NAALADL2: variants seen among roughly 807,000 people sequenced by gnomAD.
The protein encoded by NAALADL2 is inactive N-acetylated-alpha-linked acidic dipeptidase-like protein 2.
In NAALADL2, 76 loss-of-function variants were observed where a neutral mutation model predicts 87.2. The ratio of observed to expected loss-of-function variants is 0.87; its 90% CI spans 0.72 to 1.05. NAALADL2 has a LOEUF of 1.05. NAALADL2 is among the 50% of genes least tolerant of loss of function. NAALADL2 has a pLI of 0.00. For missense variants in NAALADL2, 1,089 were observed against 945.8 expected, an observed-to-expected ratio of 1.15 and a Z score of -1.99; for synonymous variants, 354 against 331.0, an observed-to-expected ratio of 1.07 and a Z score of -0.75.
chr3:175,630,378 C>G (rs1190133593), intron 11 of NAALADL2, among the ~76,000 whole-genome samples: 2 of 151,570 alleles, frequency 1.3e-5, no homozygotes, highest in African/African-American at 4.8e-5. Flanking sequence ...GCTCATAATG[C>G]CCTTCCTCGC....
chr3:174,710,084 G>C (rs1394323920), intron 2 of NAALADL2, among the ~76,000 whole-genome samples: 3 of 152,100 alleles, frequency 2.0e-5, no homozygotes, highest in Non-Finnish European at 4.4e-5. Context: ...TTAGTCCTCG[G>C]TGTATACTGT....
At chr3:175,564,317 G>A (rs1244844641) in intron 9 of NAALADL2, among the ~76,000 whole-genome samples, 2 of 151,770 alleles carry the variant, frequency 1.3e-5, no homozygotes, top group Admixed American at 6.6e-5. Context: ...TTTGCTTCTG[G>A]TTTACTTTTT....
chr3:174,787,085 G>A (rs1300170284), intron 3 of NAALADL2, among the ~76,000 whole-genome samples: 1 of 151,608 alleles, frequency 6.6e-6, no homozygotes, highest in Non-Finnish European at 1.5e-5. Context: ...TAAAACCAAA[G>A]CAAATACAAT....
At chr3:175,354,840 A>G (rs929007715) in intron 5 of NAALADL2, among the ~76,000 whole-genome samples, 1 of 150,912 alleles carries the variant, frequency 6.6e-6, no homozygotes, top group African/African-American at 2.4e-5. Flanking sequence ...CTTGTTTGCA[A>G]TTGACTTATA....
intron 1 of NAALADL2, among the ~76,000 whole-genome samples, chr3:174,936,497 A>G (rs1283635118): frequency 6.6e-6 from 1 of 152,100 alleles, no homozygotes; most frequent in African/African-American, 2.4e-5. Flanking sequence ...CCATAATAAA[A>G]GCTACTTATA....
intron 1 of NAALADL2, among the ~76,000 whole-genome samples, chr3:174,515,332 A>G (rs1366486928): frequency 6.6e-6 from 1 of 152,076 alleles, no homozygotes; most frequent in East Asian, 1.9e-4. Flanking sequence ...TGCACTGGCT[A>G]TGTGTCCTTG....
chr3:175,123,031 C>T (rs183145526), intron 2 of NAALADL2, among the ~76,000 whole-genome samples: 9 of 151,982 alleles, frequency 5.9e-5, no homozygotes, highest in East Asian at 1.9e-4. Context: ...ATGATAATGA[C>T]ATTAATCCAT....
chr3:175,210,261 G>C (rs1288976962), intron 2 of NAALADL2, among the ~76,000 whole-genome samples: 1 of 151,382 alleles, frequency 6.6e-6, no homozygotes, highest in Non-Finnish European at 1.5e-5. Flanking sequence ...AAAATGTTAT[G>C]GTATATTATA....
At chr3:175,690,798 G>A (rs1410422070) in intron 11 of NAALADL2, among the ~76,000 whole-genome samples, 1 of 140,464 alleles carries the variant, frequency 7.1e-6, no homozygotes, top group African/African-American at 3.0e-5. Context: ...AAGTGTCATA[G>A]CATTGTATTA....
chr3:175,180,114 G>C (rs535996155), intron 2 of NAALADL2, among the ~76,000 whole-genome samples: 2 of 151,918 alleles, frequency 1.3e-5, no homozygotes, highest in African/African-American at 4.8e-5. Flanking sequence ...AAAATATTTA[G>C]CCTGTACTTT....
At chr3:175,407,236 T>C (rs569706828) in intron 5 of NAALADL2, among the ~76,000 whole-genome samples, 39 of 152,334 alleles carry the variant, frequency 2.6e-4, no homozygotes, top group African/African-American at 9.4e-4. Context: ...TTTCTTCTGA[T>C]TTCCATGATA....
chr3:175,203,305 C>T lies in NAALADL2; in HGVS notation c.546-30626C>T, dbSNP rs143551063. 4.2e-3 allele frequency among the ~76,000 whole-genome samples: 634 copies of T among 152,228 alleles called. 2 individuals carry two copies. Among genetic ancestry groups the T allele is most frequent in the African/African-American group, 0.015 (607 of 41,542 alleles). ...GCCTGCTTTGGGAACTAGCGAGCTCCCAGGGTCCTTCTGCTGCTTCCTCTA... is the reference window on the plus strand; with the variant it reads ...GCCTGCTTTGGGAACTAGCGAGCTCTCAGGGTCCTTCTGCTGCTTCCTCTA... On this transcript the variant is annotated intron_variant, in intron 2 of 13. Transcript: ENST00000454872.
Position 174,698,719 on chromosome 3 carries a change from C to T in NAALADL2, c.-114-38922C>T, listed in dbSNP as rs1443904323. Among the ~76,000 whole-genome samples the T allele has an allele frequency of 3.0e-5, 4 of 134,382 alleles. 2 individuals carry two copies. Among genetic ancestry groups the T allele is most frequent in the Non-Finnish European group, 6.0e-5 (4 of 66,904 alleles). The allele number at this position is 134,382 out of a possible 152,430, so 88.2% of individuals were successfully genotyped here. On this transcript the variant is annotated intron_variant, in intron 2 of 3. Transcript: ENST00000434257. The stretch of plus-strand genomic sequence containing the variant: ...CTCTACTAAAAATACAAAAAATTAG[C>T]CGGGCGTAGTGGCGGGCGCCTTTAG...
At chr3:175,161,478 G>A (rs1733204785) in intron 2 of NAALADL2, among the ~76,000 whole-genome samples, 3 of 152,116 alleles carry the variant, frequency 2.0e-5, no homozygotes, top group Admixed American at 2.0e-4. Context: ...ATAGCTCCAT[G>A]TTGTTGCACC....
At chr3:174,469,331 C>G (rs746744959) in intron 1 of NAALADL2, among the ~76,000 whole-genome samples, 14 of 150,546 alleles carry the variant, frequency 9.3e-5, no homozygotes, top group Non-Finnish European at 1.6e-4. Flanking sequence ...GATCTCGGCT[C>G]ACTGCAACCT....
chr3:174,573,715 T>C (rs1715190551), intron 2 of NAALADL2, among the ~76,000 whole-genome samples: 1 of 151,968 alleles, frequency 6.6e-6, no homozygotes, highest in Non-Finnish European at 1.5e-5. Flanking sequence ...CACACTTTTT[T>C]TAGCAATTAA....
intron 1 of NAALADL2, among the ~76,000 whole-genome samples, chr3:174,495,453 C>T (rs546183476): frequency 6.6e-6 from 1 of 152,250 alleles, no homozygotes; most frequent in South Asian, 2.1e-4. Context: ...TTCTTGAACA[C>T]GTTTATTCCC....
intron 2 of NAALADL2, among the ~76,000 whole-genome samples, chr3:174,656,856 C>A (rs531981185): frequency 3.3e-5 from 5 of 151,838 alleles, no homozygotes; most frequent in African/African-American, 1.2e-4. Context: ...TAAATAAGGC[C>A]GGTCTGTTTC....
intron 5 of NAALADL2, among the ~76,000 whole-genome samples, chr3:175,400,042 G>C (rs1770367921): frequency 6.6e-6 from 1 of 151,986 alleles, no homozygotes; most frequent in African/African-American, 2.4e-5. Context: ...AAGATAAGAG[G>C]TATGATTATT....
Sources: gnomAD v4.1 joint callset for allele counts (sites outside exome capture counted in the v4.1 genomes callset) on GRCh38, gnomAD v4.1.1 for gene constraint, MANE v1.5 for transcripts, NCBI Gene and HGNC (gene_info 2026-07-23, HGNC 2026-07-21) for gene names.